MECOM: variants seen among roughly 807,000 people sequenced by gnomAD.
MECOM encodes histone-lysine N-methyltransferase MECOM.
MECOM carries 13 observed loss-of-function variants against 116.3 expected under a neutral mutation model. That is an observed-to-expected ratio of 0.11 (90% CI 0.07 to 0.18). MECOM has a LOEUF of 0.18. Ranked by LOEUF, MECOM falls within the 10% of genes least tolerant of loss-of-function variation. The pLI is 1.00. For synonymous variants in MECOM, 528 were observed against 535.2 expected (o/e 0.99, Z 0.19); for missense variants, 1,299 against 1,509.0 (o/e 0.86, Z 2.31).
At chr3:169,463,390 T>C (rs2108748890) in intron 1 of MECOM, among the ~76,000 whole-genome samples, 2 of 152,262 alleles carry the variant, frequency 1.3e-5, no homozygotes, top group South Asian at 4.2e-4. Context: ...TTAAGTTAGT[T>C]ATTTCAACTG....
At chr3:169,345,077 T>G (rs1266213732) in intron 2 of MECOM, among the ~76,000 whole-genome samples, 1 of 152,148 alleles carries the variant, frequency 6.6e-6, no homozygotes, top group Admixed American at 6.6e-5. Flanking sequence ...TAATGTGAAC[T>G]CCACAGAAAT....
chr3:169,575,384 C>T (rs1405405920), intron 1 of MECOM, among the ~76,000 whole-genome samples: 1 of 152,140 alleles, frequency 6.6e-6, no homozygotes, highest in Non-Finnish European at 1.5e-5. Context: ...ACAAACTCTA[C>T]CCTGGGGGAC....
At position 169,334,329 on chromosome 3, in the gene MECOM, A is replaced by C. The variant is rs76252129; in HGVS notation, c.375+46858T>G. Among the ~76,000 whole-genome samples, 205 of 152,300 alleles carry C rather than the reference A, an allele frequency of 1.3e-3. 4 individuals are homozygous for C. Among genetic ancestry groups the C allele is most frequent in the African/African-American group, 4.5e-3 (187 of 41,584 alleles). Reference sequence around the variant, plus strand: ...TTTGTTGATGTGCTAATTGGGTTCAAATTAACACATATGCAAAATACGGTG... The same window carrying C: ...TTTGTTGATGTGCTAATTGGGTTCACATTAACACATATGCAAAATACGGTG... On this transcript the variant is annotated intron_variant, in intron 2 of 16. Coordinates refer to ENST00000651503, the MANE Select transcript of MECOM (RefSeq NM_004991.4).
chr3:169,570,163 A>T (rs967424726), intron 1 of MECOM, among the ~76,000 whole-genome samples: 1 of 152,230 alleles, frequency 6.6e-6, no homozygotes, highest in African/African-American at 2.4e-5. Flanking sequence ...TATTATCATC[A>T]CTGATCCCAC....
chr3:169,090,192 C>T lies in MECOM; in HGVS notation c.3209G>A (p.Ser1070Asn), dbSNP rs1028196297. The change falls in exon 15 of 17, where the codon AGT becomes AAT. Residue 1070 changes from serine to asparagine, a missense_variant. Coordinates refer to ENST00000651503, the MANE Select transcript of MECOM (RefSeq NM_004991.4). ...HFKDEKALVT[S>N]QNSDLLDDEE... ...ATCATCCAGCAAGTCTGAATTTTGA[C>T]TGGTCACCAAAGCCTTTTCATCTTT... is the stretch of plus-strand genomic sequence containing the variant. 2.5e-6 allele frequency: 4 copies of T among 1,613,288 alleles called. No homozygotes were observed. The highest frequency in any genetic ancestry group is 3.4e-6 in the Non-Finnish European group (4 of 1,179,578).
chr3:169,116,879 A>T lies in MECOM; in HGVS notation c.1133-140T>A, dbSNP rs78243607. 5.5e-4 allele frequency: 579 copies of T among 1,052,426 alleles called. 8 individuals are homozygous for T. The East Asian group carries it at 0.013, about 23-fold the overall frequency. 65.2% of individuals were successfully genotyped at this position (1,052,426 alleles called of 1,614,324 possible). A position where few individuals can be genotyped will look rare whatever the true frequency, so the allele number is the denominator to read the frequency against. ...GGAGGCACCAATCTGGGTGCTCCAA[A>T]CACAGAAAACCCCATTTCACTAGAT... On this transcript the variant is annotated intron_variant, in intron 7 of 16. Coordinates refer to ENST00000651503, the MANE Select transcript of MECOM (RefSeq NM_004991.4).
intron 1 of MECOM, among the ~76,000 whole-genome samples, chr3:169,395,687 C>T (rs1352876654): frequency 6.6e-6 from 1 of 152,142 alleles, no homozygotes; most frequent in Non-Finnish European, 1.5e-5. Flanking sequence ...ATATTTATGT[C>T]CTTTTCTCAA....
intron 1 of MECOM, among the ~76,000 whole-genome samples, chr3:169,452,304 A>G (rs1745750830): frequency 6.6e-6 from 1 of 151,218 alleles, no homozygotes; most frequent in African/African-American, 2.5e-5. Context: ...GACAAAAATG[A>G]TTGTTAAAAA....
intron 2 of MECOM, among the ~76,000 whole-genome samples, chr3:169,284,023 A>C (rs970227894): frequency 1.3e-5 from 2 of 152,210 alleles, no homozygotes; most frequent in African/African-American, 4.8e-5. Flanking sequence ...CCTGGACAAA[A>C]GGTGCTTTGT....
chr3:169,251,669 G>A lies in MECOM; in HGVS notation c.376-107837C>T, dbSNP rs144479995. ...TGTAGGACATATGAATTCAGTCTTG[G>A]CCAAGTGTCTCCAGCATGAAATGTG... On this transcript the variant is annotated intron_variant, in intron 2 of 16. Coordinates refer to ENST00000651503, the MANE Select transcript of MECOM (RefSeq NM_004991.4). Among the ~76,000 whole-genome samples the A allele has an allele frequency of 1.1e-3, 168 of 152,258 alleles. 1 individual carries two copies. Among genetic ancestry groups the A allele is most frequent in the African/African-American group, 3.9e-3 (160 of 41,546 alleles).
intron 2 of MECOM, among the ~76,000 whole-genome samples, chr3:169,147,926 A>G (rs1740425212): frequency 6.6e-6 from 1 of 152,064 alleles, no homozygotes; most frequent in Non-Finnish European, 1.5e-5. Context: ...ACGCTAGTTC[A>G]GACTAAATAT....
rs560224569 is a variant in MECOM, at chr3:169,633,677, G to A, written c.37+29659C>T. On this transcript the variant is annotated intron_variant, in intron 1 of 16. Coordinates refer to ENST00000651503, the MANE Select transcript of MECOM (RefSeq NM_004991.4). ...GTCTCCAAGCATCCCAGCACTCAATGTCAGGGACCTCAGCCCCTTGTGCAG... is the reference window on the plus strand; with the variant it reads ...GTCTCCAAGCATCCCAGCACTCAATATCAGGGACCTCAGCCCCTTGTGCAG... Among the ~76,000 whole-genome samples, 10 of 152,210 alleles carry A rather than the reference G, an allele frequency of 6.6e-5. No homozygotes were observed. In the South Asian group the frequency reaches 2.1e-3, roughly 32 times the overall value.
chr3:169,455,921 C>T (rs1236113725), intron 1 of MECOM, among the ~76,000 whole-genome samples: 1 of 152,194 alleles, frequency 6.6e-6, no homozygotes, highest in East Asian at 1.9e-4. Context: ...TGGTAGAAAG[C>T]TTTTGAGCCT....
intron 2 of MECOM, among the ~76,000 whole-genome samples, chr3:169,253,224 T>C (rs1756447193): frequency 6.6e-6 from 1 of 152,204 alleles, no homozygotes; most frequent in African/African-American, 2.4e-5. Context: ...TTTTACAATA[T>C]GCCTTTCTGA....
At chr3:169,372,198 A>G (rs998653676) in intron 2 of MECOM, among the ~76,000 whole-genome samples, 5 of 152,200 alleles carry the variant, frequency 3.3e-5, no homozygotes, top group Non-Finnish European at 5.9e-5. Context: ...CTAAGTTCAC[A>G]GCCAATATTT....
At chr3:169,420,663 A>C (rs573667409) in intron 1 of MECOM, among the ~76,000 whole-genome samples, 3 of 152,206 alleles carry the variant, frequency 2.0e-5, no homozygotes, top group East Asian at 3.9e-4. Flanking sequence ...ACTATGAATC[A>C]TTTTCAAGGA....
intron 2 of MECOM, among the ~76,000 whole-genome samples, chr3:169,172,019 T>C (rs866076844): frequency 1.3e-5 from 2 of 152,224 alleles, no homozygotes; most frequent in Middle Eastern, 6.8e-3. Context: ...CTGTGAAATC[T>C]GTATGAAACA....
intron 6 of MECOM, 53 bp downstream of exon 6, chr3:169,122,527 A>C: frequency 6.2e-7 from 1 of 1,601,174 alleles, no homozygotes; most frequent in Non-Finnish European, 8.5e-7. Flanking sequence ...GTGATGGATT[A>C]AGAGAGAGCA....
chr3:169,655,831 T>C (rs1166168299), intron 1 of MECOM, among the ~76,000 whole-genome samples: 1 of 152,198 alleles, frequency 6.6e-6, no homozygotes, highest in Non-Finnish European at 1.5e-5. Context: ...TGATAAATTA[T>C]AAGGAAACTG....
Sources: gnomAD v4.1 joint callset for allele counts (sites outside exome capture counted in the v4.1 genomes callset) on GRCh38, gnomAD v4.1.1 for gene constraint, MANE v1.5 for transcripts, NCBI Gene and HGNC (gene_info 2026-07-23, HGNC 2026-07-21) for gene names.